DNAH9: variants seen among roughly 807,000 people sequenced by gnomAD.
The protein encoded by DNAH9 is DNAH9 variant protein.
In DNAH9, 345 loss-of-function variants were observed where a neutral mutation model predicts 471.6. The observed-to-expected ratio is 0.73, with a 90% CI of 0.67 to 0.80. The LOEUF (loss-of-function observed/expected upper bound fraction) is 0.80, where lower values mean the gene tolerates loss of function less well. DNAH9 is among the 30% of genes least tolerant of loss of function. The probability of loss-of-function intolerance (pLI) is 0.00; values close to 1 mark genes in which losing one functional copy is unlikely to be tolerated. For synonymous variants in DNAH9, 2,093 were observed against 2,123.6 expected, an observed-to-expected ratio of 0.99 and a Z score of 0.40; for missense variants, 5,407 against 5,609.2, an observed-to-expected ratio of 0.96 and a Z score of 1.15.
rs962107878 is a variant in DNAH9 at position 11,863,686 on chromosome 17, C to A, written c.9934-5448C>A. Among the ~76,000 whole-genome samples the A allele has an allele frequency of 1.3e-3, 193 of 150,912 alleles. 1 individual carries two copies. Among genetic ancestry groups the A allele is most frequent in the African/African-American group, 4.4e-3 (182 of 41,178 alleles). ...TTGGTTGGTAAGCTATTGATTATTG[C>A]CACAATTTCAGCTCCTGTTATTGGT... On this transcript the variant is annotated intron_variant, in intron 50 of 68. Coordinates refer to ENST00000262442, the MANE Select transcript of DNAH9 (RefSeq NM_001372.4).
chr17:11,904,630 C>CAAAAAAAAAA lies in DNAH9; in HGVS notation c.11601-1013_11601-1004dup, dbSNP rs202059757. The stretch of plus-strand genomic sequence containing the variant: ...TGGGCGACAGAGTGAGACTCCATCT[C>CAAAAAAAAAA]AAAAAAAAAAAAAAAAAAAAAAAAA... On this transcript the variant is annotated intron_variant, in intron 60 of 68. Transcript: ENST00000262442. Among the ~76,000 whole-genome samples, 106 of 111,428 alleles carry CAAAAAAAAAA rather than the reference C, an allele frequency of 9.5e-4. 1 individual carries two copies. Among genetic ancestry groups the CAAAAAAAAAA allele is most frequent in the East Asian group, 4.4e-3 (14 of 3,182 alleles). 73.1% of individuals were successfully genotyped at this position (111,428 alleles called of 152,430 possible).
intron 28 of DNAH9, among the ~76,000 whole-genome samples, chr17:11,737,945 G>A (rs1017893344): frequency 2.6e-5 from 4 of 152,174 alleles, no homozygotes; most frequent in Admixed American, 6.5e-5. Flanking sequence ...GTATTTCTAA[G>A]CAATTTTCTT....
At chr17:11,836,393 G>C (rs1022682343) in intron 49 of DNAH9, among the ~76,000 whole-genome samples, 2 of 152,116 alleles carry the variant, frequency 1.3e-5, no homozygotes, top group African/African-American at 4.8e-5. Flanking sequence ...TATTTTTTAT[G>C]ATGTGGCATA....
intron 42 of DNAH9, among the ~76,000 whole-genome samples, chr17:11,795,550 A>T (rs1827145632): frequency 6.6e-6 from 1 of 152,084 alleles, no homozygotes; most frequent in African/African-American, 2.4e-5. Flanking sequence ...TAAGTCACTT[A>T]TTTTATTCTG....
intron 27 of DNAH9, among the ~76,000 whole-genome samples, chr17:11,724,778 G>T (rs2075123711): frequency 6.6e-6 from 1 of 152,210 alleles, no homozygotes; most frequent in African/African-American, 2.4e-5. Context: ...CTGTGGTAGT[G>T]GGGGATGGTC....
rs1969846202 is a variant in DNAH9, at chr17:11,810,253, T to TG, written c.8593dup (p.Ala2865GlyfsTer20). 1 of 1,612,740 alleles carries TG rather than the reference T, an allele frequency of 6.2e-7. No individual in the cohort carries two copies. On this transcript the variant is annotated frameshift_variant, in exon 45 of 69. Transcript: ENST00000262442. LOFTEE classifies it high-confidence loss of function. ...TATTGACCATTCCTACAGATGGACC[T>TG]GGCCAGCCTGTGTCTGAAAGCTGGA... is the stretch of plus-strand genomic sequence containing the variant.
At chr17:11,757,800 C>A in intron 35 of DNAH9, 108 bp downstream of exon 35, 1 of 1,222,984 alleles carries the variant, frequency 8.2e-7, no homozygotes, top group South Asian at 1.5e-5. Context: ...GTCAGATGTT[C>A]CCAGAGCGAT....
At chr17:11,608,406 C>A in intron 2 of DNAH9, 81 bp downstream of exon 2, 1 of 1,103,590 alleles carries the variant, frequency 9.1e-7, no homozygotes, top group East Asian at 2.4e-5. Context: ...TACAACTTTT[C>A]TGTTCCTGAC....
chr17:11,936,561 G>T (rs1186138294), intron 65 of DNAH9, among the ~76,000 whole-genome samples: 1 of 152,280 alleles, frequency 6.6e-6, no homozygotes, highest in African/African-American at 2.4e-5. Flanking sequence ...TTGAGCCTGG[G>T]AGGTGGAGGC....
intron 26 of DNAH9, among the ~76,000 whole-genome samples, chr17:11,711,996 ATATATTTGTATATATATT>A: frequency 5.8e-5 from 1 of 17,352 alleles, no homozygotes; most frequent in Admixed American, 9.8e-4. Context: ...ATATAAATAT[ATATATTTGTATATATATT>A]TATATATAAA....
chr17:11,937,495 C>T lies in DNAH9; in HGVS notation c.12633C>T (p.Asp4211=), dbSNP rs200349675. Residue 4211 remains aspartate, a synonymous_variant, in exon 66 of 69, where the codon GAC becomes GAT. Transcript: ENST00000262442. The surrounding 1 kb of genome is among the most constrained non-coding windows in gnomAD (Gnocchi z 4.1). ...ELQPRDSQAR[D]GAGATREEKV... Reference sequence around the variant, plus strand: ...AGCCTCGGGACAGCCAGGCCAGAGACGGAGCGGGCGCCACAAGAGAAGAAA... The same window carrying T: ...AGCCTCGGGACAGCCAGGCCAGAGATGGAGCGGGCGCCACAAGAGAAGAAA... 2.2e-5 allele frequency: 36 copies of T among 1,612,970 alleles called. No individual in the cohort carries two copies. The highest frequency in any genetic ancestry group is 6.7e-5 in the African/African-American group (5 of 74,886).
At position 11,744,908 on chromosome 17, in the gene DNAH9, C is replaced by A. The variant is rs145963208; in HGVS notation, c.6223C>A (p.Arg2075=). The A allele has an allele frequency of 6.2e-5, 100 of 1,614,116 alleles. 1 individual carries two copies. In the South Asian group the frequency reaches 6.9e-4, roughly 11 times the overall value. Residue 2075 remains arginine (R), a synonymous_variant, in exon 31 of 69, where the codon CGG becomes AGG. Transcript: ENST00000262442. ...PEDQVLMRSL[R]DFNIPKIVTD... is the part of the protein sequence containing the mutation. ...GGACCAGGTCCTGATGCGCTCCTTGCGGGATTTCAACATCCCCAAGATTGT... is the reference window on the plus strand; with the variant it reads ...GGACCAGGTCCTGATGCGCTCCTTGAGGGATTTCAACATCCCCAAGATTGT...
intron 43 of DNAH9, among the ~76,000 whole-genome samples, chr17:11,803,954 A>T (rs1969563112): frequency 6.6e-6 from 1 of 152,234 alleles, no homozygotes; most frequent in Non-Finnish European, 1.5e-5. Context: ...GCAGACACAA[A>T]GCAGATAACC....
intron 27 of DNAH9, among the ~76,000 whole-genome samples, chr17:11,727,309 T>C (rs1371862742): frequency 6.6e-6 from 1 of 152,108 alleles, no homozygotes; most frequent in East Asian, 1.9e-4. Context: ...TTACCTTTAG[T>C]TTGTGTGTAT....
At chr17:11,770,670 G>C (rs1421234888) in intron 38 of DNAH9, among the ~76,000 whole-genome samples, 3 of 152,186 alleles carry the variant, frequency 2.0e-5, no homozygotes, top group African/African-American at 7.2e-5. Flanking sequence ...AAGCAACAAA[G>C]ATTTACATCA....
rs553729355 is a variant in DNAH9 at position 11,784,352 on chromosome 17, C to T, written c.7874C>T (p.Ser2625Phe). The T allele has an allele frequency of 1.9e-6, 3 of 1,614,218 alleles. No individual in the cohort carries two copies. In the South Asian group the frequency reaches 3.3e-5, roughly 18 times the overall value. Reference sequence around the variant, plus strand: ...TTCCCGGGGGCAGATGCCCTGTCCTCTATCTACAGCATCATCCTCACTCAG... The same window carrying T: ...TTCCCGGGGGCAGATGCCCTGTCCTTTATCTACAGCATCATCCTCACTCAG... ...LSFPGADALS[S>F]IYSIILTQHL... Residue 2625 changes from serine to phenylalanine, a missense_variant, in exon 41 of 69, where the codon TCT becomes TTT. Around this residue, in one of 3 missense-constraint regions of DNAH9, gnomAD observed 4,636 missense variants for 4,900.3 expected, o/e 0.95. Coordinates refer to ENST00000262442, the MANE Select transcript of DNAH9 (RefSeq NM_001372.4).
In DNAH9 at chr17:11,744,895, G is replaced by C; in HGVS notation, c.6210G>C (p.Leu2070=). 6.2e-7 allele frequency: 1 copy of C among 1,614,212 alleles called. No homozygotes were observed. Among genetic ancestry groups the C allele is most frequent in the Non-Finnish European group, 8.5e-7 (1 of 1,180,038 alleles). The stretch of plus-strand genomic sequence containing the variant: ...CTGACCGGCCTGAGGACCAGGTCCT[G>C]ATGCGCTCCTTGCGGGATTTCAACA... The part of the protein sequence containing the change: ...GDPDRPEDQV[L]MRSLRDFNIP... Residue 2070 remains leucine, a synonymous_variant, in exon 31 of 69, where the codon CTG becomes CTC. Transcript: ENST00000262442.
intron 61 of DNAH9, among the ~76,000 whole-genome samples, chr17:11,919,431 C>G (rs1597826397): frequency 2.1e-5 from 3 of 141,098 alleles, no homozygotes; most frequent in South Asian, 4.7e-4. Context: ...GGAGGTAGAG[C>G]TTGCAGTGAG....
At chr17:11,609,500 G>A (rs2150637953) in intron 2 of DNAH9, among the ~76,000 whole-genome samples, 1 of 152,234 alleles carries the variant, frequency 6.6e-6, no homozygotes, top group African/African-American at 2.4e-5. Flanking sequence ...GGGGGAATGG[G>A]TGTCTTCTTC....
Sources: gnomAD v4.1 joint callset for allele counts (sites outside exome capture counted in the v4.1 genomes callset) on GRCh38, gnomAD v4.1.1 for gene constraint, gnomAD v4.1.1 regional missense constraint, Gnocchi (gnomAD v3.1) non-coding constraint, MANE v1.5 for transcripts, NCBI Gene and HGNC (gene_info 2026-07-23, HGNC 2026-07-21) for gene names.